Variants in SEMA3E observed in about 807,000 individuals in gnomAD.
The protein encoded by SEMA3E is semaphorin-3E.
A neutral mutation model predicts 93.6 loss-of-function variants in SEMA3E; 49 were observed. The observed-to-expected ratio is 0.52, with a 90% CI of 0.42 to 0.66. SEMA3E has a LOEUF of 0.66. Among genes scored for constraint, SEMA3E ranks in the 30% least tolerant of loss-of-function variants. The pLI is 0.00. For missense variants in SEMA3E, 906 were observed against 964.8 expected (o/e 0.94, Z 0.81); for synonymous variants, 363 against 330.7 (o/e 1.10, Z -1.06).
At chr7:83,581,313 A>G (rs1028912607) in intron 1 of SEMA3E, among the ~76,000 whole-genome samples, 1 of 152,028 alleles carries the variant, frequency 6.6e-6, no homozygotes, top group African/African-American at 2.4e-5. Flanking sequence ...CAATTGCAGC[A>G]GATCGCTGCA....
chr7:83,475,325 T>A (rs1216016596), intron 2 of SEMA3E, among the ~76,000 whole-genome samples: 1 of 152,154 alleles, frequency 6.6e-6, no homozygotes, highest in Non-Finnish European at 1.5e-5. Context: ...TAATTCTCCA[T>A]AGCGTTTTTA....
chr7:83,416,093 T>C (rs1307773773), intron 5 of SEMA3E, among the ~76,000 whole-genome samples: 1 of 152,082 alleles, frequency 6.6e-6, no homozygotes, highest in Non-Finnish European at 1.5e-5. Context: ...CTGGCTCACA[T>C]AGGTTATCAG....
intron 1 of SEMA3E, among the ~76,000 whole-genome samples, chr7:83,521,076 A>AT (rs1311225294): frequency 6.6e-6 from 1 of 150,606 alleles, no homozygotes; most frequent in African/African-American, 2.4e-5. Context: ...AAGGACCTCA[A>AT]CTTTTAAGAT....
At chr7:83,469,675 T>C (rs1789852595) in intron 2 of SEMA3E, among the ~76,000 whole-genome samples, 1 of 152,178 alleles carries the variant, frequency 6.6e-6, no homozygotes, top group Admixed American at 6.5e-5. Flanking sequence ...ACCTGCTGTG[T>C]GGTGGGCTCT....
intron 1 of SEMA3E, among the ~76,000 whole-genome samples, chr7:83,557,148 G>T (rs1433694706): frequency 6.6e-6 from 1 of 151,958 alleles, no homozygotes; most frequent in Non-Finnish European, 1.5e-5. Flanking sequence ...AAGATCAAAA[G>T]TCTTATGTCA....
Position 83,405,539 on chromosome 7 carries a change from T to C in SEMA3E, c.929-20A>G. 3.1e-6 allele frequency: 5 copies of C among 1,602,142 alleles called. No homozygotes were observed. The highest frequency in any genetic ancestry group is 4.3e-6 in the Non-Finnish European group (5 of 1,169,572). ...CGTCCTCTGAAAAATTAAAGGCCAT[T>C]CCATCGCTTAGTATTTTTAGCTCTC... On this transcript the variant is annotated intron_variant, in intron 8 of 16. Transcript: ENST00000643230.
chr7:83,387,895 A>ATT (rs962104525), intron 14 of SEMA3E, among the ~76,000 whole-genome samples: 14 of 146,332 alleles, frequency 9.6e-5, no homozygotes, highest in African/African-American at 3.2e-4. Context: ...TATATATAAC[A>ATT]TTATATATAT....
chr7:83,432,136 G>A (rs190790651), intron 4 of SEMA3E, among the ~76,000 whole-genome samples: 106 of 152,200 alleles, frequency 7.0e-4, no homozygotes, highest in Non-Finnish European at 2.1e-4. Context: ...CCAGTCTGCA[G>A]CCATTTGAAT....
intron 1 of SEMA3E, among the ~76,000 whole-genome samples, chr7:83,628,766 C>T (rs372980668): frequency 6.6e-6 from 1 of 152,076 alleles, no homozygotes; most frequent in African/African-American, 2.4e-5. Flanking sequence ...TATTACCCAC[C>T]TTCTGAAGCC....
chr7:83,396,144 C>T (rs1273277476), intron 12 of SEMA3E, among the ~76,000 whole-genome samples: 1 of 151,730 alleles, frequency 6.6e-6, no homozygotes, highest in African/African-American at 2.4e-5. Context: ...TACACACGTG[C>T]ACCTATGTAT....
At chr7:83,616,727 C>CT (rs542862891) in intron 1 of SEMA3E, 43,642 of 399,030 alleles carry the variant, frequency 0.11, 919 homozygotes, top group African/African-American at 0.21. Context: ...TTCTTTCTTT[C>CT]TTTTTTTTTT....
chr7:83,493,216 G>A (rs915390989), intron 1 of SEMA3E, among the ~76,000 whole-genome samples: 1 of 151,864 alleles, frequency 6.6e-6, no homozygotes. Flanking sequence ...TTTTCATACT[G>A]TTGGAAGCTT....
intron 16 of SEMA3E, among the ~76,000 whole-genome samples, chr7:83,382,327 T>C (rs1276016612): frequency 6.6e-6 from 1 of 152,018 alleles, no homozygotes; most frequent in Non-Finnish European, 1.5e-5. Context: ...AGAACAGTCC[T>C]TGGTACTGTA....
chr7:83,371,832 C>T (rs572361200), intron 16 of SEMA3E: 1 of 153,226 alleles, frequency 6.5e-6, no homozygotes, highest in Non-Finnish European at 1.5e-5. Flanking sequence ...TCATTTCCTT[C>T]CAGGCTTAAC....
chr7:83,482,337 C>T (rs1192801430), intron 2 of SEMA3E, among the ~76,000 whole-genome samples: 1 of 151,920 alleles, frequency 6.6e-6, no homozygotes, highest in Admixed American at 6.6e-5. Context: ...GAGGCCGAGG[C>T]GGGTGGATCA....
rs146112694 is a variant in SEMA3E at position 83,366,621 on chromosome 7, T to C, written c.*965A>G. The C allele has an allele frequency of 2.0e-4, 30 of 152,248 alleles. No homozygotes were observed. Among genetic ancestry groups the C allele is most frequent in the African/African-American group, 7.0e-4 (29 of 41,576 alleles). 9.4% of individuals were successfully genotyped at this position (152,248 alleles called of 1,614,324 possible). A position where few individuals can be genotyped will look rare whatever the true frequency, so the allele number is the denominator to read the frequency against. On this transcript the variant is annotated 3_prime_UTR_variant, in exon 17 of 17. Transcript: ENST00000643230. Reference sequence around the variant, plus strand: ...AAATCTTCATTTTTGACTTGTGAGATAAATTATCTATAAACAATACTTTCA... The same window carrying C: ...AAATCTTCATTTTTGACTTGTGAGACAAATTATCTATAAACAATACTTTCA...
intron 1 of SEMA3E, among the ~76,000 whole-genome samples, chr7:83,540,352 G>A (rs907263934): frequency 6.6e-6 from 1 of 152,126 alleles, no homozygotes; most frequent in Non-Finnish European, 1.5e-5. Context: ...TATTATATCA[G>A]TGGGGAAATT....
intron 1 of SEMA3E, among the ~76,000 whole-genome samples, chr7:83,526,919 T>C (rs987219405): frequency 5.9e-5 from 9 of 152,128 alleles, no homozygotes; most frequent in Non-Finnish European, 8.8e-5. Flanking sequence ...TGTTGGAGGT[T>C]AATTGTGACC....
chr7:83,504,071 A>G (rs1790648882), intron 1 of SEMA3E, among the ~76,000 whole-genome samples: 1 of 152,172 alleles, frequency 6.6e-6, no homozygotes. Flanking sequence ...CGGTTTCCAG[A>G]TACACCAGGA....
Sources: gnomAD v4.1 joint callset for allele counts (sites outside exome capture counted in the v4.1 genomes callset) on GRCh38, gnomAD v4.1.1 for gene constraint, MANE v1.5 for transcripts, NCBI Gene and HGNC (gene_info 2026-07-23, HGNC 2026-07-21) for gene names.